ETV6: variants seen among roughly 807,000 people sequenced by gnomAD.
ETV6 encodes the protein ETS variant transcription factor 6.
Under a neutral mutation model 51.1 loss-of-function variants are expected in ETV6, and 16 were observed. The ratio of observed to expected loss-of-function variants is 0.31; its 90% CI spans 0.21 to 0.48. The LOEUF (loss-of-function observed/expected upper bound fraction) is 0.48. ETV6 is among the 20% of genes least tolerant of loss of function. The pLI, the probability that ETV6 is intolerant of heterozygous loss-of-function variation, is 0.99. For synonymous variants in ETV6, 240 were observed against 224.1 expected (o/e 1.07, Z -0.64); for missense variants, 458 against 594.8 (o/e 0.77, Z 2.39).
In ETV6 at chr12:11,765,424, T is replaced by A. The variant is rs540605631; in HGVS notation, c.163+12845T>A. 2.4e-4 allele frequency among the ~76,000 whole-genome samples: 36 copies of A among 152,306 alleles called. No individual in the cohort carries two copies. The South Asian group carries it at 3.7e-3, about 16-fold the overall frequency. On this transcript the variant is annotated intron_variant, in intron 2 of 7. Transcript: ENST00000396373. ...CAGGTTCAATACCATTCTCTCTTTTTGTGCTTTAGGTCTCTGTATTGTTTC... is the reference window on the plus strand; with the variant it reads ...CAGGTTCAATACCATTCTCTCTTTTAGTGCTTTAGGTCTCTGTATTGTTTC...
intron 3 of ETV6, among the ~76,000 whole-genome samples, chr12:11,842,287 A>G (rs975396940): frequency 2.9e-4 from 44 of 151,666 alleles, no homozygotes; most frequent in Non-Finnish European, 1.0e-4. Flanking sequence ...TCCCATCCCT[A>G]CTTCCCTAAT....
chr12:11,756,511 A>C (rs530484681), intron 2 of ETV6, among the ~76,000 whole-genome samples: 2 of 152,324 alleles, frequency 1.3e-5, no homozygotes, highest in African/African-American at 4.8e-5. Flanking sequence ...AAGGAACATA[A>C]GCTTTTCATT....
intron 4 of ETV6, among the ~76,000 whole-genome samples, chr12:11,857,532 G>A (rs1946650096): frequency 6.6e-6 from 1 of 152,034 alleles, no homozygotes; most frequent in Admixed American, 6.5e-5. Flanking sequence ...GGGAAGGGAG[G>A]GTGATTTTAT....
chr12:11,791,464 C>A (rs1945590161), intron 2 of ETV6, among the ~76,000 whole-genome samples: 1 of 152,176 alleles, frequency 6.6e-6, no homozygotes, highest in Admixed American at 6.5e-5. Context: ...AAATTGTTGT[C>A]ACTATTGATA....
intron 2 of ETV6, among the ~76,000 whole-genome samples, chr12:11,824,595 A>G (rs1453236802): frequency 1.3e-5 from 2 of 152,200 alleles, no homozygotes; most frequent in African/African-American, 4.8e-5. Flanking sequence ...CCTGGCCAAC[A>G]TGGTGAAACC....
At chr12:11,672,193 A>G (rs1433910695) in intron 1 of ETV6, among the ~76,000 whole-genome samples, 1 of 152,076 alleles carries the variant, frequency 6.6e-6, no homozygotes, top group Non-Finnish European at 1.5e-5. Flanking sequence ...GGAGGTTTCT[A>G]TTTGACAATG....
intron 1 of ETV6, among the ~76,000 whole-genome samples, chr12:11,727,883 G>A (rs1047892432): frequency 1.6e-4 from 25 of 151,996 alleles, no homozygotes; most frequent in African/African-American, 5.8e-4. Context: ...GCAGTGGTGC[G>A]ATCTCAGCTC....
At chr12:11,669,365 TCCTCCCTTCCTC>T in intron 1 of ETV6, among the ~76,000 whole-genome samples, 1 of 100,884 alleles carries the variant, frequency 9.9e-6, no homozygotes, top group South Asian at 3.0e-4. Context: ...TGTCCTCCCT[TCCTCCCTTCCTC>T]CCTCCCTCCC....
chr12:11,836,459 A>G (rs1946317078), intron 2 of ETV6, among the ~76,000 whole-genome samples: 1 of 152,114 alleles, frequency 6.6e-6, no homozygotes, highest in Admixed American at 6.5e-5. Flanking sequence ...CTTGTACATA[A>G]GCCGAGGGCA....
chr12:11,812,014 T>C (rs1945920938), intron 2 of ETV6, among the ~76,000 whole-genome samples: 1 of 152,218 alleles, frequency 6.6e-6, no homozygotes, highest in Non-Finnish European at 1.5e-5. Flanking sequence ...CAGACACATG[T>C]GGCAGTAAAA....
At chr12:11,725,925 A>T (rs1481825802) in intron 1 of ETV6, among the ~76,000 whole-genome samples, 1 of 152,206 alleles carries the variant, frequency 6.6e-6, no homozygotes, top group African/African-American at 2.4e-5. Context: ...GTAGAACTGT[A>T]AGCCAAATGA....
At chr12:11,652,925 T>G (rs1029895407) in intron 1 of ETV6, among the ~76,000 whole-genome samples, 1 of 152,154 alleles carries the variant, frequency 6.6e-6, no homozygotes, top group South Asian at 2.1e-4. Context: ...GAAGTTAATA[T>G]CAGACACACA....
At chr12:11,718,948 A>G (rs532799546) in intron 1 of ETV6, among the ~76,000 whole-genome samples, 2 of 152,344 alleles carry the variant, frequency 1.3e-5, no homozygotes, top group Admixed American at 6.5e-5. Context: ...GGCATTGCCC[A>G]GAGTCTGGGT....
Position 11,818,018 on chromosome 12 carries a change from G to A in ETV6, c.164-21122G>A, listed in dbSNP as rs185773664. 1.9e-3 allele frequency among the ~76,000 whole-genome samples: 292 copies of A among 152,308 alleles called. 1 individual carries two copies. Among genetic ancestry groups the A allele is most frequent in the African/African-American group, 6.7e-3 (280 of 41,552 alleles). ...GAAAAGCATGTTGCAGACAGACGAA[G>A]CAAGTGTGTGAGCAAAGGCCTGCGG... On this transcript the variant is annotated intron_variant, in intron 2 of 7. Transcript: ENST00000396373.
chr12:11,839,070 C>T (rs1010531711), intron 2 of ETV6, 70 bp from the exon 3 acceptor site: 4 of 1,499,790 alleles, frequency 2.7e-6, no homozygotes, highest in Non-Finnish European at 3.6e-6. Flanking sequence ...GAGACCTTCT[C>T]CCTTTATTCC....
chr12:11,818,411 C>A (rs1411580396), intron 2 of ETV6, among the ~76,000 whole-genome samples: 1 of 151,680 alleles, frequency 6.6e-6, no homozygotes, highest in African/African-American at 2.4e-5. Context: ...GCGTGTAATC[C>A]CAGCTATGCA....
intron 2 of ETV6, among the ~76,000 whole-genome samples, chr12:11,757,815 T>C (rs1945029088): frequency 6.6e-6 from 1 of 152,224 alleles, no homozygotes; most frequent in Non-Finnish European, 1.5e-5. Flanking sequence ...GAAGTTGTGC[T>C]GAATCCTCAG....
intron 2 of ETV6, among the ~76,000 whole-genome samples, chr12:11,827,138 G>T (rs1370135175): frequency 6.7e-6 from 1 of 149,334 alleles, no homozygotes; most frequent in African/African-American, 2.5e-5. Context: ...TCTTTAAATA[G>T]AAGTTGCTTC....
intron 2 of ETV6, among the ~76,000 whole-genome samples, chr12:11,807,109 T>G (rs1434097639): frequency 1.3e-5 from 2 of 152,228 alleles, no homozygotes; most frequent in Non-Finnish European, 2.9e-5. Context: ...CCAAGTATGT[T>G]TAGGCTGTAA....
Sources: gnomAD v4.1 joint callset for allele counts (sites outside exome capture counted in the v4.1 genomes callset) on GRCh38, gnomAD v4.1.1 for gene constraint, MANE v1.5 for transcripts, NCBI Gene and HGNC (gene_info 2026-07-23, HGNC 2026-07-21) for gene names.